Variants in PLD5 observed in about 807,000 individuals in gnomAD.
PLD5 encodes the protein inactive phospholipase D5.
A neutral mutation model predicts 61.1 loss-of-function variants in PLD5; 36 were observed. The ratio of observed to expected loss-of-function variants is 0.59; its 90% CI spans 0.45 to 0.78. The LOEUF (loss-of-function observed/expected upper bound fraction) is 0.78, where lower values mean the gene tolerates loss of function less well. Among genes scored for constraint, PLD5 ranks in the 30% least tolerant of loss-of-function variants. The pLI is 0.00. For missense variants in PLD5, 515 were observed against 644.4 expected, an observed-to-expected ratio of 0.80 and a Z score of 2.17; for synonymous variants, 243 against 242.8, an observed-to-expected ratio of 1.00 and a Z score of -0.01.
At chr1:242,302,731 T>C (rs1345541107) in intron 2 of PLD5, among the ~76,000 whole-genome samples, 14 of 152,186 alleles carry the variant, frequency 9.2e-5, no homozygotes, top group Admixed American at 6.5e-5. Flanking sequence ...AAAAATTTTT[T>C]TAAATTAAAC....
chr1:242,257,038 T>TA (rs1673096478), intron 4 of PLD5, among the ~76,000 whole-genome samples: 1 of 142,292 alleles, frequency 7.0e-6, no homozygotes, highest in East Asian at 2.1e-4. Flanking sequence ...CCTACCTACC[T>TA]TCTATCTATC....
chr1:242,430,588 A>G (rs542717487), intron 1 of PLD5, among the ~76,000 whole-genome samples: 1 of 151,890 alleles, frequency 6.6e-6, no homozygotes, highest in Non-Finnish European at 1.5e-5. Context: ...CTTGCCATCC[A>G]CCCCTTACTC....
chr1:242,226,602 T>C (rs1342814758), intron 4 of PLD5, among the ~76,000 whole-genome samples: 1 of 152,216 alleles, frequency 6.6e-6, no homozygotes, highest in Non-Finnish European at 1.5e-5. Flanking sequence ...ACAAATATGC[T>C]AACTGATGAT....
chr1:242,212,365 C>A (rs182770815), intron 5 of PLD5, among the ~76,000 whole-genome samples: 29 of 152,288 alleles, frequency 1.9e-4, no homozygotes, highest in African/African-American at 5.1e-4. Flanking sequence ...TTTCTTTTAA[C>A]GCTTATTTAA....
chr1:242,484,415 AG>A (rs1465630060), intron 1 of PLD5, among the ~76,000 whole-genome samples: 1 of 152,254 alleles, frequency 6.6e-6, no homozygotes, highest in Non-Finnish European at 1.5e-5. Flanking sequence ...CTACCATCAG[AG>A]AATACTATAA....
At chr1:242,386,605 C>T (rs1278922713) in intron 1 of PLD5, among the ~76,000 whole-genome samples, 4 of 152,094 alleles carry the variant, frequency 2.6e-5, no homozygotes, top group Non-Finnish European at 4.4e-5. Context: ...ACAAAGCACT[C>T]AACAACACAT....
Position 242,513,323 on chromosome 1 carries a change from C to T in PLD5, c.189+10765G>A, listed in dbSNP as rs868140232. On this transcript the variant is annotated intron_variant, in intron 1 of 9. Coordinates refer to ENST00000536534, the MANE Select transcript of PLD5 (RefSeq NM_001372062.1). ...TTCGTTCACTTGCTGTTTCAATAGT[C>T]AAGTTTATCAATATTAGGCATCTAC... Among the ~76,000 whole-genome samples, 3 of 152,310 alleles carry T rather than the reference C, an allele frequency of 2.0e-5. No individual in the cohort carries two copies. The Middle Eastern group carries it at 0.01, about 518-fold the overall frequency.
intron 1 of PLD5, among the ~76,000 whole-genome samples, chr1:242,521,140 G>A (rs189568320): frequency 2.2e-4 from 33 of 152,246 alleles, no homozygotes; most frequent in African/African-American, 2.6e-4. Flanking sequence ...CGACTTCCTC[G>A]CAGCTTCTTA....
intron 2 of PLD5, among the ~76,000 whole-genome samples, chr1:242,291,699 G>T (rs1386834010): frequency 6.6e-6 from 1 of 152,054 alleles, no homozygotes; most frequent in African/African-American, 2.4e-5. Context: ...CCAGCTACTC[G>T]GGAGGCTGAG....
At chr1:242,521,265 T>A (rs565480333) in intron 1 of PLD5, among the ~76,000 whole-genome samples, 1 of 152,342 alleles carries the variant, frequency 6.6e-6, no homozygotes, top group South Asian at 2.1e-4. Flanking sequence ...ATTCCAATCC[T>A]CAACTAATTC....
At chr1:242,093,339 G>T (rs1659984105) in intron 9 of PLD5, among the ~76,000 whole-genome samples, 1 of 152,170 alleles carries the variant, frequency 6.6e-6, no homozygotes, top group South Asian at 2.1e-4. Context: ...CATTCCGTAA[G>T]CAAAAGGCTC....
chr1:242,175,086 C>T (rs992340954), intron 5 of PLD5, among the ~76,000 whole-genome samples: 10 of 152,086 alleles, frequency 6.6e-5, no homozygotes, highest in African/African-American at 1.7e-4. Flanking sequence ...AGGGAATCCT[C>T]CCTAACTCAT....
At chr1:242,393,429 T>A (rs532854930) in intron 1 of PLD5, among the ~76,000 whole-genome samples, 1 of 52,152 alleles carries the variant, frequency 1.9e-5, no homozygotes, top group African/African-American at 7.7e-5. Flanking sequence ...TATATATATG[T>A]GTATATATAT....
intron 6 of PLD5, among the ~76,000 whole-genome samples, chr1:242,122,002 G>A (rs574197903): frequency 3.5e-4 from 53 of 152,106 alleles, no homozygotes; most frequent in East Asian, 1.4e-3. Context: ...ATATGAGTTA[G>A]TGGGTGCAGC....
chr1:242,495,436 C>T (rs568604824), intron 1 of PLD5, among the ~76,000 whole-genome samples: 1 of 152,040 alleles, frequency 6.6e-6, no homozygotes, highest in South Asian at 2.1e-4. Context: ...AATGAAAAAG[C>T]AGTGAAGACA....
intron 1 of PLD5, among the ~76,000 whole-genome samples, chr1:242,415,352 G>A (rs1664763199): frequency 1.3e-5 from 2 of 152,134 alleles, no homozygotes; most frequent in Admixed American, 1.3e-4. Context: ...CCCATCAGCA[G>A]AGGAGAGTAG....
chr1:242,308,127 T>C (rs1004086000), intron 2 of PLD5, among the ~76,000 whole-genome samples: 10 of 152,156 alleles, frequency 6.6e-5, no homozygotes, highest in African/African-American at 2.4e-4. Context: ...CACATTATAA[T>C]TAACTTTTTA....
At chr1:242,301,061 G>A (rs1676008737) in intron 2 of PLD5, among the ~76,000 whole-genome samples, 1 of 152,244 alleles carries the variant, frequency 6.6e-6, no homozygotes, top group African/African-American at 2.4e-5. Context: ...AGCTGATTGT[G>A]AGACTGAGGA....
At chr1:242,326,673 C>T (rs1485743710) in intron 2 of PLD5, among the ~76,000 whole-genome samples, 1 of 151,906 alleles carries the variant, frequency 6.6e-6, no homozygotes, top group African/African-American at 2.4e-5. Context: ...TGGTTATTAG[C>T]TTTTTCTTTC....
Sources: gnomAD v4.1 joint callset for allele counts (sites outside exome capture counted in the v4.1 genomes callset) on GRCh38, gnomAD v4.1.1 for gene constraint, MANE v1.5 for transcripts, NCBI Gene and HGNC (gene_info 2026-07-23, HGNC 2026-07-21) for gene names.